The following FRMD5 variants were observed in gnomAD, a reference collection of about 807,000 sequenced individuals.
The protein encoded by FRMD5 is FERM domain-containing protein 5.
Under a neutral mutation model 69.0 loss-of-function variants are expected in FRMD5, and 20 were observed. The observed-to-expected ratio is 0.29, with a 90% CI of 0.20 to 0.42. The LOEUF (loss-of-function observed/expected upper bound fraction) is 0.42, where lower values mean the gene tolerates loss of function less well. Among genes scored for constraint, FRMD5 ranks in the 10% least tolerant of loss-of-function variants. The probability of loss-of-function intolerance (pLI) is 1.00; values close to 1 mark genes in which losing one functional copy is unlikely to be tolerated. For missense variants in FRMD5, 595 were observed against 708.6 expected, an observed-to-expected ratio of 0.84 and a Z score of 1.82; for synonymous variants, 271 against 260.1, an observed-to-expected ratio of 1.04 and a Z score of -0.40.
rs1305842853 is a variant in FRMD5 at position 44,157,257 on chromosome 15, ACTTAT to A, written c.102+37691_102+37695del. 2.0e-5 allele frequency among the ~76,000 whole-genome samples: 3 copies of A among 152,350 alleles called. No individual in the cohort carries two copies. In the East Asian group the frequency reaches 5.8e-4, roughly 29 times the overall value. Reference sequence around the variant, plus strand: ...TAAAGCATACTTTATGTCAATGAACACTTATCTTCAAAAATTTTATCCAATGTCCA... The same window carrying A: ...TAAAGCATACTTTATGTCAATGAACACTTCAAAAATTTTATCCAATGTCCA... On this transcript the variant is annotated intron_variant, in intron 1 of 13. Transcript: ENST00000417257.
At chr15:44,174,500 C>A (rs2077859356) in intron 1 of FRMD5, among the ~76,000 whole-genome samples, 1 of 152,092 alleles carries the variant, frequency 6.6e-6, no homozygotes, top group Non-Finnish European at 1.5e-5. Context: ...TACACAGAAA[C>A]CAAGCACAGT....
chr15:44,037,045 G>C (rs1891948260), intron 1 of FRMD5, among the ~76,000 whole-genome samples: 1 of 151,924 alleles, frequency 6.6e-6, no homozygotes, highest in Non-Finnish European at 1.5e-5. Context: ...GTGCATGTTT[G>C]TTACATAGGT....
intron 1 of FRMD5, among the ~76,000 whole-genome samples, chr15:43,960,501 G>A (rs529466535): frequency 2.6e-5 from 4 of 151,698 alleles, no homozygotes; most frequent in Admixed American, 6.6e-5. Flanking sequence ...TGCCCGCCTC[G>A]GCCTCCCAAA....
chr15:44,194,751 C>A (rs989639135), intron 1 of FRMD5: 1 of 664,228 alleles, frequency 1.5e-6, no homozygotes, highest in Admixed American at 2.2e-5. Flanking sequence ...CCCGCGGCGG[C>A]GGTGACACAC....
At chr15:44,022,528 T>A (rs1257955226) in intron 1 of FRMD5, among the ~76,000 whole-genome samples, 7 of 129,966 alleles carry the variant, frequency 5.4e-5, no homozygotes, top group Non-Finnish European at 1.1e-4. Flanking sequence ...GAGCTGAGAT[T>A]GCACCACTGT....
intron 1 of FRMD5, among the ~76,000 whole-genome samples, chr15:44,048,412 T>A (rs1892520331): frequency 6.6e-6 from 1 of 152,236 alleles, no homozygotes; most frequent in Non-Finnish European, 1.5e-5. Context: ...TTGGGCTATC[T>A]TTTCATTATT....
chr15:43,899,924 C>G (rs1423778919), intron 7 of FRMD5, among the ~76,000 whole-genome samples: 2 of 152,160 alleles, frequency 1.3e-5, no homozygotes, highest in Admixed American at 6.5e-5. Context: ...TTTCCCCGCT[C>G]TAGTCAGTGT....
chr15:43,985,718 C>T (rs1481952773), intron 1 of FRMD5, among the ~76,000 whole-genome samples: 1 of 152,136 alleles, frequency 6.6e-6, no homozygotes, highest in African/African-American at 2.4e-5. Flanking sequence ...GGAGAAATGT[C>T]TATTTAATTT....
rs569857504 is a variant in FRMD5 at position 44,035,915 on chromosome 15, TA to T, written c.103-111607del. On this transcript the variant is annotated intron_variant, in intron 1 of 13. Transcript: ENST00000417257. ...GTTTTTATTTTGTCCTGAAGCCAAC[TA>T]ACTAGAATGACTAAAAAATGTTATA... 1.6e-4 allele frequency among the ~76,000 whole-genome samples: 25 copies of T among 152,320 alleles called. No homozygotes were observed. In the South Asian group the frequency reaches 3.7e-3, roughly 23 times the overall value.
intron 7 of FRMD5, among the ~76,000 whole-genome samples, chr15:43,901,687 G>A (rs1400223232): frequency 6.6e-6 from 1 of 152,168 alleles, no homozygotes; most frequent in Non-Finnish European, 1.5e-5. Context: ...TTTTCTCTGG[G>A]CAGCCTCCCC....
At chr15:44,145,281 T>C (rs1274023149) in intron 1 of FRMD5, among the ~76,000 whole-genome samples, 1 of 152,190 alleles carries the variant, frequency 6.6e-6, no homozygotes, top group African/African-American at 2.4e-5. Context: ...GAATGGAAAA[T>C]GTCTTTTATG....
rs1252142024 is a variant in FRMD5 at position 43,888,385 on chromosome 15, G to A, written c.793-119C>T. On this transcript the variant is annotated intron_variant, in intron 9 of 13. Coordinates refer to ENST00000417257, the MANE Select transcript of FRMD5 (RefSeq NM_032892.5). ...CTGGCAGCTGGCTAGTTAGAGGGGAGGGCCTGTGGGACCCACTGAGGCAGA... is the reference window on the plus strand; with the variant it reads ...CTGGCAGCTGGCTAGTTAGAGGGGAAGGCCTGTGGGACCCACTGAGGCAGA... 1.0e-5 allele frequency: 7 copies of A among 669,404 alleles called. No homozygotes were observed. The East Asian group carries it at 1.9e-4, about 18-fold the overall frequency. 41.5% of individuals were successfully genotyped at this position (669,404 alleles called of 1,614,324 possible). A position where few individuals can be genotyped will look rare whatever the true frequency, so the allele number is the denominator to read the frequency against.
intron 13 of FRMD5, among the ~76,000 whole-genome samples, chr15:43,875,364 ATAT>A (rs1409436221): frequency 0.033 from 2,536 of 76,108 alleles, 76 homozygotes; most frequent in African/African-American, 0.043. Context: ...AAAAAAAAAA[ATAT>A]ATATATATAT....
intron 1 of FRMD5, among the ~76,000 whole-genome samples, chr15:44,130,505 C>T (rs991992418): frequency 2.0e-5 from 3 of 152,148 alleles, no homozygotes; most frequent in Admixed American, 6.6e-5. Context: ...CTATTGCAGT[C>T]CAGGCAAAGT....
In FRMD5 at chr15:44,063,132, A is replaced by T. The variant is rs192640518; in HGVS notation, c.102+131821T>A. Among the ~76,000 whole-genome samples the T allele has an allele frequency of 6.6e-5, 10 of 152,268 alleles. 1 individual carries two copies. Among genetic ancestry groups the T allele is most frequent in the Admixed American group, 3.3e-4 (5 of 15,298 alleles). ...ATTTCAGTTTGTCAGCTTCTTTTTT[A>T]AAAAAGCCAGCTAGGAAGAGTTTGT... is the stretch of plus-strand genomic sequence containing the variant. On this transcript the variant is annotated intron_variant, in intron 1 of 13. Coordinates refer to ENST00000417257, the MANE Select transcript of FRMD5 (RefSeq NM_032892.5).
chr15:43,933,865 A>G (rs1180343615), intron 1 of FRMD5, among the ~76,000 whole-genome samples: 1 of 152,200 alleles, frequency 6.6e-6, no homozygotes, highest in East Asian at 1.9e-4. Context: ...ATCATCAGAA[A>G]ATAAAGCCAG....
At chr15:44,012,769 T>TTTG (rs1230306514) in intron 1 of FRMD5, among the ~76,000 whole-genome samples, 3 of 143,536 alleles carry the variant, frequency 2.1e-5, no homozygotes, top group African/African-American at 8.5e-5. Flanking sequence ...GGGTTTTTTT[T>TTTG]TTTTTTTTTT....
chr15:44,181,621 G>C (rs1217982394), intron 1 of FRMD5, among the ~76,000 whole-genome samples: 1 of 152,140 alleles, frequency 6.6e-6, no homozygotes, highest in Non-Finnish European at 1.5e-5. Context: ...GTCATCATAA[G>C]CTGGGCACGG....
chr15:44,042,019 A>G (rs1183007791), intron 1 of FRMD5, among the ~76,000 whole-genome samples: 1 of 152,198 alleles, frequency 6.6e-6, no homozygotes, highest in Non-Finnish European at 1.5e-5. Context: ...GATCAACAAC[A>G]TAGATAGACT....
Sources: gnomAD v4.1 joint callset for allele counts (sites outside exome capture counted in the v4.1 genomes callset) on GRCh38, gnomAD v4.1.1 for gene constraint, MANE v1.5 for transcripts, NCBI Gene and HGNC (gene_info 2026-07-23, HGNC 2026-07-21) for gene names.